ROR1: variants seen among roughly 807,000 people sequenced by gnomAD.
ROR1 encodes the protein ROR family WNT receptor 1, also known as inactive tyrosine-protein kinase transmembrane receptor ROR1.
ROR1 carries 19 observed loss-of-function variants against 78.8 expected under a neutral mutation model. The observed-to-expected ratio is 0.24, with a 90% CI of 0.17 to 0.35. The LOEUF (loss-of-function observed/expected upper bound fraction) is 0.35. ROR1 is among the 10% of genes least tolerant of loss of function. The pLI is 1.00. For missense variants in ROR1, 917 were observed against 1,177.8 expected, an observed-to-expected ratio of 0.78 and a Z score of 3.24; for synonymous variants, 386 against 433.6, an observed-to-expected ratio of 0.89 and a Z score of 1.36.
At chr1:63,892,290 G>C (rs549158248) in intron 1 of ROR1, among the ~76,000 whole-genome samples, 1 of 152,256 alleles carries the variant, frequency 6.6e-6, no homozygotes, top group African/African-American at 2.4e-5. Context: ...CGCTGCATCT[G>C]GGAGGGCAGA....
rs74463780 is a variant in ROR1 at position 63,883,613 on chromosome 1, A to G, written c.91+109105A>G. On this transcript the variant is annotated intron_variant, in intron 1 of 8. Transcript: ENST00000371079. ...TGACTGGGTGAAATGAGCTGGCCTC[A>G]GAGAACAGGCCAGAAAACACAGGGA... is the stretch of plus-strand genomic sequence containing the variant. Among the ~76,000 whole-genome samples the G allele has an allele frequency of 8.5e-3, 1,289 of 152,310 alleles. 16 individuals are homozygous for G. Among genetic ancestry groups the G allele is most frequent in the African/African-American group, 0.029 (1,214 of 41,572 alleles).
intron 2 of ROR1, among the ~76,000 whole-genome samples, chr1:64,010,698 G>A (rs569122987): frequency 2.6e-5 from 4 of 152,228 alleles, no homozygotes; most frequent in East Asian, 3.9e-4. Flanking sequence ...TAATCCCTAC[G>A]TGTTGTGAGA....
intron 1 of ROR1, among the ~76,000 whole-genome samples, chr1:63,860,109 A>G (rs1054795577): frequency 3.3e-5 from 5 of 152,190 alleles, no homozygotes; most frequent in African/African-American, 9.6e-5. Flanking sequence ...CTGTCCAGAC[A>G]TGTTACGATT....
At chr1:64,098,638 T>G (rs1647395787) in intron 4 of ROR1, among the ~76,000 whole-genome samples, 1 of 152,096 alleles carries the variant, frequency 6.6e-6, no homozygotes, top group South Asian at 2.1e-4. Context: ...CCTCCCTGTT[T>G]ATAGTGGTTC....
At chr1:64,118,175 C>T (rs1648386737) in intron 4 of ROR1, among the ~76,000 whole-genome samples, 1 of 152,156 alleles carries the variant, frequency 6.6e-6, no homozygotes, top group Admixed American at 6.5e-5. Flanking sequence ...AGCACTCCTG[C>T]CTGGGTGACA....
intron 1 of ROR1, among the ~76,000 whole-genome samples, chr1:63,918,393 T>C (rs1182224333): frequency 6.6e-6 from 1 of 152,170 alleles, no homozygotes; most frequent in Non-Finnish European, 1.5e-5. Flanking sequence ...ACTTGGAAAG[T>C]GTCAAAACCA....
intron 4 of ROR1, among the ~76,000 whole-genome samples, chr1:64,078,478 C>G (rs834341): frequency 0.51 from 77,828 of 152,012 alleles, 23,277 homozygotes; most frequent in African/African-American, 0.83. Context: ...GCTAAGATGT[C>G]GAGGAAGGAG....
At chr1:63,944,657 A>G (rs1645870004) in intron 1 of ROR1, among the ~76,000 whole-genome samples, 1 of 152,086 alleles carries the variant, frequency 6.6e-6, no homozygotes, top group Non-Finnish European at 1.5e-5. Context: ...TTTTTCTTCT[A>G]TCCTCTCAGT....
chr1:64,069,821 T>G (rs1407579740), intron 4 of ROR1, among the ~76,000 whole-genome samples: 1 of 152,130 alleles, frequency 6.6e-6, no homozygotes, highest in African/African-American at 2.4e-5. Context: ...TTTATTTTTA[T>G]TATTATTATT....
chr1:63,898,626 AAGG>A (rs1042669945), intron 1 of ROR1, among the ~76,000 whole-genome samples: 2 of 151,824 alleles, frequency 1.3e-5, no homozygotes, highest in African/African-American at 4.8e-5. Context: ...GGAAAGTAGA[AAGG>A]AGACAGAGGA....
At chr1:64,142,770 T>C in intron 7 of ROR1, 120 bp downstream of exon 7, 1 of 1,482,446 alleles carries the variant, frequency 6.7e-7, no homozygotes, top group Non-Finnish European at 8.9e-7. Flanking sequence ...TTGCTTGATC[T>C]CAATCTGGTT....
chr1:64,173,021 G>A (rs1650282018), intron 8 of ROR1, among the ~76,000 whole-genome samples: 1 of 152,078 alleles, frequency 6.6e-6, no homozygotes, highest in African/African-American at 2.4e-5. Context: ...ACTAGTTCAG[G>A]ATTTATGTAA....
intron 2 of ROR1, among the ~76,000 whole-genome samples, chr1:64,028,350 G>A (rs1646631124): frequency 6.6e-6 from 1 of 152,142 alleles, no homozygotes; most frequent in Non-Finnish European, 1.5e-5. Context: ...TAATAGGTTT[G>A]GGGAAGTTTG....
intron 1 of ROR1, among the ~76,000 whole-genome samples, chr1:63,864,051 G>A (rs1645200128): frequency 6.6e-6 from 1 of 152,160 alleles, no homozygotes. Context: ...TGATAGGTAA[G>A]TGTTGTTTTA....
At chr1:63,940,014 A>T (rs1482320650) in intron 1 of ROR1, among the ~76,000 whole-genome samples, 1 of 152,188 alleles carries the variant, frequency 6.6e-6, no homozygotes, top group East Asian at 1.9e-4. Context: ...AGTATCCTGT[A>T]TACAGGAGTG....
chr1:64,055,305 A>G (rs944835104), intron 4 of ROR1, among the ~76,000 whole-genome samples: 3 of 152,274 alleles, frequency 2.0e-5, no homozygotes, highest in African/African-American at 4.8e-5. Flanking sequence ...TTGTGCAAGA[A>G]TATTTTGCAT....
chr1:63,926,092 G>T (rs1224673643), intron 1 of ROR1, among the ~76,000 whole-genome samples: 2 of 152,174 alleles, frequency 1.3e-5, no homozygotes, highest in Non-Finnish European at 1.5e-5. Context: ...CCTTGTCCAT[G>T]CCTAAGTCCT....
chr1:64,065,151 T>TA (rs1189766146), intron 4 of ROR1, among the ~76,000 whole-genome samples: 1 of 152,208 alleles, frequency 6.6e-6, no homozygotes, highest in Non-Finnish European at 1.5e-5. Context: ...GGCAAACACT[T>TA]ACTAAGTGCT....
At chr1:64,176,958 T>C (rs1650399757) in intron 8 of ROR1, among the ~76,000 whole-genome samples, 1 of 152,252 alleles carries the variant, frequency 6.6e-6, no homozygotes, top group South Asian at 2.1e-4. Flanking sequence ...CAAGGGATCA[T>C]GTCAGGAAAG....
Sources: allele counts gnomAD v4.1 joint callset (sites outside exome capture counted in the v4.1 genomes callset), GRCh38; gene constraint gnomAD v4.1.1; transcripts MANE v1.5; gene names NCBI Gene and HGNC (gene_info 2026-07-23, HGNC 2026-07-21).